Variants in GNAI2 observed in about 807,000 individuals in gnomAD.
GNAI2 encodes guanine nucleotide-binding protein G(i) subunit alpha-2.
In GNAI2, 4 loss-of-function variants were observed where a neutral mutation model predicts 36.8. The observed-to-expected ratio is 0.11, with a 90% CI of 0.05 to 0.25. The LOEUF (loss-of-function observed/expected upper bound fraction) is 0.25. Ranked by LOEUF, GNAI2 falls within the 10% of genes least tolerant of loss-of-function variation. GNAI2 has a pLI of 1.00. For synonymous variants in GNAI2, 194 were observed against 194.1 expected (o/e 1.00, Z 0.01); for missense variants, 230 against 481.3 (o/e 0.48, Z 4.89).
Position 50,253,995 on chromosome 3 carries a change from G to A in GNAI2, c.464+811G>A, listed in dbSNP as rs587732960. On this transcript the variant is annotated intron_variant, in intron 4 of 8. Coordinates refer to ENST00000313601, the MANE Select transcript of GNAI2 (RefSeq NM_002070.4). The surrounding 1 kb of genome is among the most constrained non-coding windows in gnomAD (Gnocchi z 4.2). The stretch of plus-strand genomic sequence containing the variant: ...TGCTTGAACATAGGCTGTGGAGGCT[G>A]GCTGGAGGGGGCCACAGGGGAGGAA... Among the ~76,000 whole-genome samples, 44 of 152,186 alleles carry A rather than the reference G, an allele frequency of 2.9e-4. No individual in the cohort carries two copies. Among genetic ancestry groups the A allele is most frequent in the African/African-American group, 6.0e-4 (25 of 41,522 alleles).
intron 1 of GNAI2, among the ~76,000 whole-genome samples, chr3:50,240,583 G>C (rs1700277378): frequency 6.6e-6 from 1 of 152,132 alleles, no homozygotes; most frequent in East Asian, 1.9e-4. Context: ...TGCAGCCACA[G>C]GTTATGGGGA....
chr3:50,236,357 G>A lies in GNAI2; in HGVS notation c.22G>A (p.Glu8Lys). ...CGGGATGGGCTGCACCGTGAGCGCC[G>A]AGGACAAGGCGGCGGCCGAGCGCTC... Reference protein sequence around the residue: MGCTVSAEDKAAAERSKM... With the variant: MGCTVSAKDKAAAERSKM... Residue 8 changes from glutamate (E) to lysine (K), a missense_variant, in exon 1 of 9, where the codon GAG (glutamate) becomes AAG (lysine). Transcript: ENST00000313601. The surrounding 1 kb of genome is among the most constrained non-coding windows in gnomAD (Gnocchi z 4.0). 6.5e-7 allele frequency: 1 copy of A among 1,531,138 alleles called. No homozygotes were observed. Among genetic ancestry groups the A allele is most frequent in the Non-Finnish European group, 8.7e-7 (1 of 1,147,668 alleles). 94.8% of individuals were successfully genotyped at this position (1,531,138 alleles called of 1,614,324 possible). A position where few individuals can be genotyped will look rare whatever the true frequency, so the allele number is the denominator to read the frequency against.
chr3:50,245,720 GC>G (rs1170085919), intron 1 of GNAI2, among the ~76,000 whole-genome samples: 7 of 152,348 alleles, frequency 4.6e-5, no homozygotes, highest in South Asian at 2.1e-4. Context: ...CTCACCCGGT[GC>G]CTGAGTTTCC....
Position 50,257,543 on chromosome 3 carries a change from G to A in GNAI2, c.921G>A (p.Lys307=). 1 of 1,591,700 alleles carries A rather than the reference G, an allele frequency of 6.3e-7. No homozygotes were observed. Among genetic ancestry groups the A allele is most frequent in the Non-Finnish European group, 8.6e-7 (1 of 1,166,106 alleles). The part of the protein sequence containing the change: ...YDEAASYIQS[K]FEDLNKRKDT... ...AGGCAGCCAGCTACATCCAGAGTAA[G>A]TTTGAGGACCTGAATAAGCGCAAAG... is the stretch of plus-strand genomic sequence containing the variant. The change falls in exon 8 of 9, where the codon AAG becomes AAA. Residue 307 remains lysine, a synonymous_variant. Transcript: ENST00000313601.
intron 1 of GNAI2, chr3:50,251,488 T>TA: frequency 9.0e-7 from 1 of 1,106,960 alleles, no homozygotes; most frequent in Non-Finnish European, 1.1e-6. Context: ...GCGTGTGTGT[T>TA]ACACTGTAGG....
At chr3:50,230,722 G>T, upstream of GNAI2, 1 of 775,662 alleles carries the variant, frequency 1.3e-6, no homozygotes, top group African/African-American at 1.9e-5. Flanking sequence ...CCAGCTGAGG[G>T]GCCACCCTCA....
intron 4 of GNAI2, among the ~76,000 whole-genome samples, chr3:50,254,694 G>A (rs1700645826): frequency 6.6e-6 from 1 of 152,154 alleles, no homozygotes; most frequent in African/African-American, 2.4e-5. Flanking sequence ...ATACTCAAAG[G>A]AAGCAGGAAT....
intron 1 of GNAI2, among the ~76,000 whole-genome samples, chr3:50,247,599 C>A (rs781995803): frequency 6.6e-6 from 1 of 152,206 alleles, no homozygotes; most frequent in Non-Finnish European, 1.5e-5. Context: ...GGTACTGTCT[C>A]CCTTCTCTCA....
chr3:50,254,246 A>C (rs142462130), intron 4 of GNAI2, among the ~76,000 whole-genome samples: 180 of 152,260 alleles, frequency 1.2e-3, no homozygotes, highest in African/African-American at 4.2e-3. Context: ...TAGACAGGCT[A>C]ATAGCCATTG....
chr3:50,247,018 C>A, intron 1 of GNAI2: 1 of 1,227,900 alleles, frequency 8.1e-7, no homozygotes. Flanking sequence ...TCTTCAGAAG[C>A]TTTCCTTCAA....
upstream of GNAI2, among the ~76,000 whole-genome samples, chr3:50,228,518 C>A (rs1268751488): frequency 7.1e-6 from 1 of 140,510 alleles, no homozygotes; most frequent in Non-Finnish European, 1.5e-5. Context: ...CCACTGCACT[C>A]AAGCCTGGGT....
chr3:50,234,353 G>A (rs886610507), upstream of GNAI2, among the ~76,000 whole-genome samples: 5 of 149,192 alleles, frequency 3.4e-5, no homozygotes, highest in African/African-American at 1.0e-4. Flanking sequence ...CACCGTGCCC[G>A]GTCTTTTTTT....
At chr3:50,228,872 G>A (rs1006290239), upstream of GNAI2, among the ~76,000 whole-genome samples, 1 of 152,144 alleles carries the variant, frequency 6.6e-6, no homozygotes, top group African/African-American at 2.4e-5. Context: ...GCTCCATACG[G>A]TACAGGCAGA....
Position 50,252,617 on chromosome 3 carries a change from A to G in GNAI2, c.303+79A>G, listed in dbSNP as rs1389613991. On this transcript the variant is annotated intron_variant, in intron 3 of 8. Coordinates refer to ENST00000313601, the MANE Select transcript of GNAI2 (RefSeq NM_002070.4). The surrounding 1 kb of genome is among the most constrained non-coding windows in gnomAD (Gnocchi z 4.1). ...TGGTTGTGGTGGCTCATGCCTATAA[A>G]TCCCAGCACTTTGGGACGCCGAGGC... 3.2e-6 allele frequency: 4 copies of G among 1,242,254 alleles called. No homozygotes were observed. In the African/African-American group the frequency reaches 4.5e-5, roughly 14 times the overall value. The allele number at this position is 1,242,254 out of a possible 1,614,324, so 77.0% of individuals were successfully genotyped here.
At chr3:50,248,556 G>C (rs587730737) in intron 1 of GNAI2, among the ~76,000 whole-genome samples, 1 of 152,112 alleles carries the variant, frequency 6.6e-6, no homozygotes, top group African/African-American at 2.4e-5. Flanking sequence ...CTCCTGGGCT[G>C]TGCCCCTGCC....
chr3:50,258,869 C>T lies in GNAI2; in HGVS notation c.*526C>T, dbSNP rs1553703688. 4 of 440,756 alleles carry T rather than the reference C, an allele frequency of 9.1e-6. No homozygotes were observed. The highest frequency in any genetic ancestry group is 5.3e-5 in the Admixed American group (2 of 37,626). The allele number at this position is 440,756 out of a possible 1,614,324, so 27.3% of individuals were successfully genotyped here. A position where few individuals can be genotyped will look rare whatever the true frequency, so the allele number is the denominator to read the frequency against. ...AAACCACAGTCCACCTGCTCATTCT[C>T]GTAGCTTTTTAAAAAAATGAAAGTA... On this transcript the variant is annotated 3_prime_UTR_variant, in exon 9 of 9. Coordinates refer to ENST00000313601, the MANE Select transcript of GNAI2 (RefSeq NM_002070.4).
intron 1 of GNAI2, chr3:50,240,023 CTG>C (rs1183384351): frequency 1.3e-5 from 2 of 152,374 alleles, no homozygotes; most frequent in Non-Finnish European, 2.9e-5. Flanking sequence ...TCTGTCCTGT[CTG>C]TGTCTCTTGC....
At chr3:50,240,926 AAAAAAAAAAAG>A (rs201769688) in intron 1 of GNAI2, among the ~76,000 whole-genome samples, 14,649 of 148,460 alleles carry the variant, frequency 0.099, 1,659 homozygotes, top group African/African-American at 0.29. Context: ...CTCAAAAAAA[AAAAAAAAAAAG>A]AAAAAAAAAG....
At chr3:50,227,632 A>G (rs934601959), upstream of GNAI2, 1 of 154,556 alleles carries the variant, frequency 6.5e-6, no homozygotes, top group African/African-American at 2.4e-5. The surrounding 1 kb of genome is among the most constrained non-coding windows in gnomAD (Gnocchi z 5.9). Flanking sequence ...GCTCTGCAGG[A>G]GAGGCCAGAA....
Sources: gnomAD v4.1 joint callset for allele counts (sites outside exome capture counted in the v4.1 genomes callset) on GRCh38, gnomAD v4.1.1 for gene constraint, Gnocchi (gnomAD v3.1) non-coding constraint, MANE v1.5 for transcripts, NCBI Gene and HGNC (gene_info 2026-07-23, HGNC 2026-07-21) for gene names.